Variants in ZNF525 observed in about 807,000 individuals in gnomAD.
ZNF525 encodes zinc finger protein 525.
Under a neutral mutation model 37.6 loss-of-function variants are expected in ZNF525, and 33 were observed. The ratio of observed to expected loss-of-function variants is 0.88; its 90% confidence interval spans 0.67 to 1.17. The LOEUF (loss-of-function observed/expected upper bound fraction) is 1.17, where lower values mean the gene tolerates loss of function less well. ZNF525 is among the 50% of genes most tolerant of loss of function. The probability of loss-of-function intolerance (pLI) is 0.00; values close to 1 mark genes in which losing one functional copy is unlikely to be tolerated. For missense variants in ZNF525, 449 were observed against 543.1 expected (o/e 0.83, Z 1.72); for synonymous variants, 170 against 182.3 (o/e 0.93, Z 0.54).
At position 53,386,540 on chromosome 19, in the gene ZNF525, T is replaced by A. The variant is rs1479766383; in HGVS notation, c.*4521T>A. The A allele has an allele frequency of 7.9e-6, 4 of 508,162 alleles. No individual in the cohort carries two copies. The African/African-American group carries it at 7.9e-5, about 10-fold the overall frequency. 31.5% of individuals were successfully genotyped at this position (508,162 alleles called of 1,614,324 possible). On this transcript the variant is annotated 3_prime_UTR_variant, in exon 4 of 4. Transcript: ENST00000474037. ...CTCTGTAAATTTGTTATAAACGCAT[T>A]GGTTGGCTGTGTTCAGTAATAAACG...
At chr19:53,367,324 T>TAAA (rs202066843) in intron 1 of ZNF525, among the ~76,000 whole-genome samples, 2 of 151,068 alleles carry the variant, frequency 1.3e-5, no homozygotes, top group African/African-American at 4.9e-5. Context: ...TTTTTTTTTT[T>TAAA]AAATTTCTGC....
Position 53,384,840 on chromosome 19 carries a change from G to C in ZNF525, c.*2821G>C. ...AGTATTGATTGAATAGAAGGGGTGA[G>C]AGCATTCTTGCATCATGTGAGATCG... On this transcript the variant is annotated 3_prime_UTR_variant, in exon 4 of 4. Coordinates refer to ENST00000474037, the MANE Select transcript of ZNF525 (RefSeq NM_001348156.2). The C allele has an allele frequency of 1.6e-6, 1 of 639,712 alleles. No homozygotes were observed. The highest frequency in any genetic ancestry group is 1.8e-5 in the South Asian group (1 of 55,088). 39.6% of individuals were successfully genotyped at this position (639,712 alleles called of 1,614,324 possible).
At chr19:53,367,982 G>C (rs976961628) in intron 1 of ZNF525, among the ~76,000 whole-genome samples, 1 of 152,252 alleles carries the variant, frequency 6.6e-6, no homozygotes, top group African/African-American at 2.4e-5. Flanking sequence ...TAGTCTTTCA[G>C]GGGGCCAGTC....
chr19:53,383,261 T>G lies in ZNF525; in HGVS notation c.*1242T>G. 7.0e-7 allele frequency: 1 copy of G among 1,428,588 alleles called. No individual in the cohort carries two copies. Among genetic ancestry groups the G allele is most frequent in the South Asian group, 1.1e-5 (1 of 87,954 alleles). The allele number at this position is 1,428,588 out of a possible 1,614,324, so 88.5% of individuals were successfully genotyped here. A position where few individuals can be genotyped will look rare whatever the true frequency, so the allele number is the denominator to read the frequency against. ...CAAGTGTAATGAGTGTGGCAAAACC[T>G]TCCATCACAATTCAGTCCTTGTAAT... On this transcript the variant is annotated 3_prime_UTR_variant, in exon 4 of 4. Coordinates refer to ENST00000474037, the MANE Select transcript of ZNF525 (RefSeq NM_001348156.2).
chr19:53,368,678 G>T (rs1217990069), intron 1 of ZNF525, among the ~76,000 whole-genome samples: 10 of 152,190 alleles, frequency 6.6e-5, no homozygotes, highest in Non-Finnish European at 1.5e-4. Context: ...CTACCTGCTT[G>T]TAGAATAATT....
chr19:53,372,463 G>C (rs1232147917), intron 2 of ZNF525, 167 bp downstream of exon 2: 3 of 747,166 alleles, frequency 4.0e-6, no homozygotes, highest in Non-Finnish European at 7.2e-6. Context: ...ATCTCTTGTG[G>C]CTCAGTGACA....
chr19:53,381,866 T>A lies in ZNF525; in HGVS notation c.1287T>A (p.His429Gln). The A allele has an allele frequency of 2.9e-6, 3 of 1,021,352 alleles. No homozygotes were observed. The highest frequency in any genetic ancestry group is 4.7e-6 in the Non-Finnish European group (3 of 638,322). The allele number at this position is 1,021,352 out of a possible 1,614,324, so 63.3% of individuals were successfully genotyped here. The change falls in exon 4 of 4, where the codon CAT (histidine) becomes CAA (glutamine). Residue 429 changes from histidine to glutamine, a missense_variant. By Grantham distance (24) the His-to-Gln change is conservative (BLOSUM62 0). This residue lies in a region of ZNF525 where 178 missense variants were observed against 161.5 expected (regional missense o/e 1.10). Coordinates refer to ENST00000474037, the MANE Select transcript of ZNF525 (RefSeq NM_001348156.2). ...AFRFKSSLER[H>Q]RRIHNGEKLY... ...GTTTCAAATCAAGTCTTGAAAGACA[T>A]AGGAGAATTCATAATGGAGAGAAAC...
intron 1 of ZNF525, among the ~76,000 whole-genome samples, chr19:53,370,088 A>C (rs2085476422): frequency 5.9e-5 from 9 of 151,510 alleles, no homozygotes; most frequent in Admixed American, 4.6e-4. Context: ...AGGGGTGATA[A>C]AGACCAACAC....
At chr19:53,373,776 T>G (rs1244544389) in intron 2 of ZNF525, among the ~76,000 whole-genome samples, 1 of 151,624 alleles carries the variant, frequency 6.6e-6, no homozygotes. Flanking sequence ...GAGATGAGAT[T>G]GTGCCACTGC....
chr19:53,373,513 T>G (rs987422650), intron 2 of ZNF525, among the ~76,000 whole-genome samples: 3 of 152,184 alleles, frequency 2.0e-5, no homozygotes, highest in Non-Finnish European at 4.4e-5. Context: ...AAGCATCTTC[T>G]TTTCTCTGTC....
At chr19:53,375,966 T>TA (rs1371471972) in intron 3 of ZNF525, 70 bp downstream of exon 3, 1 of 1,609,054 alleles carries the variant, frequency 6.2e-7, no homozygotes, top group Non-Finnish European at 8.5e-7. Flanking sequence ...TTTTTTTAGA[T>TA]AGAGTATCTC....
At chr19:53,377,750 C>T (rs1013790999) in intron 3 of ZNF525, among the ~76,000 whole-genome samples, 6 of 151,806 alleles carry the variant, frequency 4.0e-5, no homozygotes, top group South Asian at 2.1e-4. Flanking sequence ...TTTGTAGAGA[C>T]GGGGTTTCAC....
intron 3 of ZNF525, among the ~76,000 whole-genome samples, chr19:53,379,229 C>T (rs1322494243): frequency 1.3e-5 from 2 of 152,164 alleles, no homozygotes; most frequent in East Asian, 3.9e-4. Flanking sequence ...GATTCTCTTG[C>T]CTCAGCCTTC....
In ZNF525 at chr19:53,370,286, G is replaced by A. The variant is rs557389084; in HGVS notation, c.-67-1929G>A. Among the ~76,000 whole-genome samples the A allele has an allele frequency of 4.6e-5, 7 of 151,342 alleles. No homozygotes were observed. In the South Asian group the frequency reaches 1.5e-3, roughly 32 times the overall value. On this transcript the variant is annotated intron_variant, in intron 1 of 3. Transcript: ENST00000474037. Reference sequence around the variant, plus strand: ...ATACAAAAAATTAGCCAGATGTTGGGTGGATGCCTGTAGTCCCAGCTACTC... The same window carrying A: ...ATACAAAAAATTAGCCAGATGTTGGATGGATGCCTGTAGTCCCAGCTACTC...
At chr19:53,366,692 T>A (rs1007981443) in intron 1 of ZNF525, among the ~76,000 whole-genome samples, 4 of 151,048 alleles carry the variant, frequency 2.6e-5, no homozygotes, top group African/African-American at 9.8e-5. Flanking sequence ...AGGAGGGATT[T>A]GGAGCCAGGG....
chr19:53,374,309 G>A (rs1253034724), intron 2 of ZNF525, among the ~76,000 whole-genome samples: 4 of 152,204 alleles, frequency 2.6e-5, no homozygotes, highest in African/African-American at 7.2e-5. Flanking sequence ...CATCCTGCTA[G>A]TTGTGAATTT....
chr19:53,371,496 C>T (rs544445954), intron 1 of ZNF525, among the ~76,000 whole-genome samples: 68 of 152,184 alleles, frequency 4.5e-4, no homozygotes, highest in African/African-American at 1.4e-3. Context: ...CTCAGTCTCC[C>T]GAGTAACTGG....
At chr19:53,376,359 G>A in intron 3 of ZNF525, 2 of 701,170 alleles carry the variant, frequency 2.9e-6, no homozygotes, top group Middle Eastern at 2.4e-4. Context: ...CCTTCTGAGT[G>A]CAGAGTTAAA....
intron 3 of ZNF525, chr19:53,379,245 A>C (rs1429777270): frequency 6.6e-6 from 1 of 152,150 alleles, no homozygotes; most frequent in Non-Finnish European, 1.5e-5. Flanking sequence ...CCTTCTGAGT[A>C]GCTGAGATTA....
Sources: gnomAD v4.1 joint callset for allele counts (sites outside exome capture counted in the v4.1 genomes callset) on GRCh38, gnomAD v4.1.1 for gene constraint, gnomAD v4.1.1 regional missense constraint, MANE v1.5 for transcripts, NCBI Gene and HGNC (gene_info 2026-07-23, HGNC 2026-07-21) for gene names.